Variants in ACACA observed in about 807,000 individuals in gnomAD.
ACACA encodes acetyl-CoA carboxylase 1.
Under a neutral mutation model 296.1 loss-of-function variants are expected in ACACA, and 103 were observed. The ratio of observed to expected loss-of-function variants is 0.35; its 90% confidence interval spans 0.30 to 0.41. ACACA has a LOEUF of 0.41. Ranked by LOEUF, ACACA falls within the 10% of genes least tolerant of loss-of-function variation. The pLI is 1.00. For synonymous variants in ACACA, 953 were observed against 1,038.6 expected (o/e 0.92, Z 1.58); for missense variants, 1,554 against 2,989.7 (o/e 0.52, Z 11.20).
intron 3 of ACACA, among the ~76,000 whole-genome samples, chr17:37,295,143 A>G (rs1340629030): frequency 6.6e-6 from 1 of 152,210 alleles, no homozygotes; most frequent in African/African-American, 2.4e-5. Context: ...GCTCGCCCCA[A>G]GCTGTGCCAC....
At chr17:37,201,885 G>A (rs1205704831) in intron 33 of ACACA, among the ~76,000 whole-genome samples, 3 of 152,066 alleles carry the variant, frequency 2.0e-5, no homozygotes, top group Non-Finnish European at 4.4e-5. Context: ...CTTCAATTCT[G>A]CGATGGCATT....
chr17:37,386,459 G>A (rs1186187730), intron 1 of ACACA, among the ~76,000 whole-genome samples: 1 of 152,110 alleles, frequency 6.6e-6, no homozygotes, highest in Non-Finnish European at 1.5e-5. Flanking sequence ...GGACGTGGTG[G>A]CAGGTACCTG....
intron 18 of ACACA, 69 bp downstream of exon 18, chr17:37,247,942 A>C: frequency 1.3e-6 from 2 of 1,596,534 alleles, no homozygotes; most frequent in African/African-American, 1.3e-5. Context: ...GAAAATCCCA[A>C]GAGCTAGTAG....
Position 37,243,579 on chromosome 17 carries a change from A to G in ACACA, c.2743-20T>C, listed in dbSNP as rs543133702. Reference sequence around the variant, plus strand: ...TTTTACCTAGAAAGAAAGCATTGGTAAAATAGGACCCAAGTTAACACAATC... The same window carrying G: ...TTTTACCTAGAAAGAAAGCATTGGTGAAATAGGACCCAAGTTAACACAATC... On this transcript the variant is annotated intron_variant, in intron 21 of 55. Coordinates refer to ENST00000616317, the MANE Select transcript of ACACA (RefSeq NM_198834.3). 1 of 1,611,224 alleles carries G rather than the reference A, an allele frequency of 6.2e-7. No homozygotes were observed. Among genetic ancestry groups the G allele is most frequent in the African/African-American group, 1.3e-5 (1 of 74,986 alleles).
intron 3 of ACACA, among the ~76,000 whole-genome samples, chr17:37,286,312 C>T (rs2082769655): frequency 6.6e-6 from 1 of 152,228 alleles, no homozygotes; most frequent in African/African-American, 2.4e-5. Context: ...CATTCCAGAT[C>T]TGTCCACTTA....
chr17:37,389,833 C>T lies in ACACA; in HGVS notation c.38+16429G>A, dbSNP rs753282373. ...GCTTCAGTTATGAAGCAAATGTGGG[C>T]AATCCTTCTTATGTCAGGAAATAGG... On this transcript the variant is annotated intron_variant, in intron 1 of 55. Coordinates refer to ENST00000616317, the MANE Select transcript of ACACA (RefSeq NM_198834.3). Among the ~76,000 whole-genome samples, 4 of 151,570 alleles carry T rather than the reference C, an allele frequency of 2.6e-5. No homozygotes were observed. In the South Asian group the frequency reaches 8.3e-4, roughly 32 times the overall value.
At chr17:37,153,400 G>T (rs2076118780) in intron 43 of ACACA, among the ~76,000 whole-genome samples, 1 of 152,140 alleles carries the variant, frequency 6.6e-6, no homozygotes, top group Non-Finnish European at 1.5e-5. Flanking sequence ...TGGTATCTGT[G>T]ACCCTATGTG....
chr17:37,191,575 CA>C (rs2077751754), intron 37 of ACACA, among the ~76,000 whole-genome samples: 3 of 152,194 alleles, frequency 2.0e-5, no homozygotes, highest in Non-Finnish European at 4.4e-5. Context: ...TCACATATGC[CA>C]AACAGAGCTA....
Position 37,325,070 on chromosome 17 carries a change from G to A in ACACA, c.338+5103C>T, listed in dbSNP as rs139536195. On this transcript the variant is annotated intron_variant, in intron 3 of 55. Coordinates refer to ENST00000616317, the MANE Select transcript of ACACA (RefSeq NM_198834.3). ...ACAAAAATTAGCCGGGCATGGTGGC[G>A]CGCACCTCTAATCCCAGCTACTCAG... is the stretch of plus-strand genomic sequence containing the variant. 1.7e-3 allele frequency among the ~76,000 whole-genome samples: 256 copies of A among 150,008 alleles called. 2 individuals carry two copies. Among genetic ancestry groups the A allele is most frequent in the African/African-American group, 5.9e-3 (240 of 40,968 alleles).
chr17:37,268,337 G>A (rs941623031), intron 10 of ACACA, among the ~76,000 whole-genome samples: 1 of 152,162 alleles, frequency 6.6e-6, no homozygotes, highest in Non-Finnish European at 1.5e-5. Context: ...GTGTCTAGAA[G>A]CACTAGCAAT....
chr17:37,108,687 G>A (rs2073826808), intron 52 of ACACA, among the ~76,000 whole-genome samples: 1 of 152,130 alleles, frequency 6.6e-6, no homozygotes, highest in Admixed American at 6.5e-5. Flanking sequence ...CGTGCCCGGA[G>A]TAATTATGTT....
chr17:37,186,386 C>T lies in ACACA; in HGVS notation c.4776+1891G>A, dbSNP rs1426615580. 7.2e-5 allele frequency among the ~76,000 whole-genome samples: 11 copies of T among 152,102 alleles called. No homozygotes were observed. In the South Asian group the frequency reaches 1.0e-3, roughly 14 times the overall value. ...ATGTAAATTTCTTGAGTACAGTTTGCTTTTTCTCTTTATACGCATAGTGCC... is the reference window on the plus strand; with the variant it reads ...ATGTAAATTTCTTGAGTACAGTTTGTTTTTTCTCTTTATACGCATAGTGCC... On this transcript the variant is annotated intron_variant, in intron 39 of 55. Coordinates refer to ENST00000616317, the MANE Select transcript of ACACA (RefSeq NM_198834.3).
chr17:37,256,094 T>A (rs954381090), intron 14 of ACACA, among the ~76,000 whole-genome samples: 4 of 152,142 alleles, frequency 2.6e-5, no homozygotes, highest in Non-Finnish European at 5.9e-5. Context: ...AATGTTGTCA[T>A]TATAGTCCTA....
chr17:37,125,605 A>T, intron 48 of ACACA, 93 bp downstream of exon 48: 1 of 1,127,760 alleles, frequency 8.9e-7, no homozygotes, highest in Non-Finnish European at 1.3e-6. Context: ...AGACAAAGAG[A>T]ACATTATTGG....
chr17:37,215,543 T>C (rs2078944310), intron 29 of ACACA, among the ~76,000 whole-genome samples: 1 of 152,222 alleles, frequency 6.6e-6, no homozygotes, highest in South Asian at 2.1e-4. Context: ...TATGTTTGTA[T>C]AAATATAACT....
At chr17:37,118,817 T>G (rs952008370) in intron 50 of ACACA, among the ~76,000 whole-genome samples, 1 of 152,232 alleles carries the variant, frequency 6.6e-6, no homozygotes, top group Non-Finnish European at 1.5e-5. Flanking sequence ...ACATGTAAAA[T>G]TGTTAGCACA....
intron 5 of ACACA, among the ~76,000 whole-genome samples, chr17:37,280,383 A>AT (rs1325987679): frequency 6.6e-6 from 1 of 151,956 alleles, no homozygotes; most frequent in Non-Finnish European, 1.5e-5. Context: ...TAATTTTTGC[A>AT]TTTTTTGTAG....
chr17:37,128,765 GT>G (rs2074949730), intron 47 of ACACA, among the ~76,000 whole-genome samples: 2 of 152,308 alleles, frequency 1.3e-5, no homozygotes, highest in African/African-American at 4.8e-5. Context: ...CTCACTCCAT[GT>G]ATCTATATAA....
intron 25 of ACACA, among the ~76,000 whole-genome samples, chr17:37,231,633 T>C (rs888594711): frequency 6.6e-5 from 10 of 152,214 alleles, no homozygotes; most frequent in African/African-American, 2.2e-4. Flanking sequence ...CAGGGGTTCA[T>C]AGGCATGGCA....
Sources: gnomAD v4.1 joint callset for allele counts (sites outside exome capture counted in the v4.1 genomes callset) on GRCh38, gnomAD v4.1.1 for gene constraint, MANE v1.5 for transcripts, NCBI Gene and HGNC (gene_info 2026-07-23, HGNC 2026-07-21) for gene names.